The following ELOVL5 variants were observed in gnomAD, a reference collection of about 807,000 sequenced individuals.
The protein encoded by ELOVL5 is very long chain fatty acid elongase 5.
In ELOVL5, 8 loss-of-function variants were observed where a neutral mutation model predicts 38.6. The observed-to-expected ratio is 0.21, with a 90% CI of 0.12 to 0.37. ELOVL5 has a LOEUF of 0.37. ELOVL5 is among the 10% of genes least tolerant of loss of function. The probability of loss-of-function intolerance (pLI) is 1.00; values close to 1 mark genes in which losing one functional copy is unlikely to be tolerated. For synonymous variants in ELOVL5, 127 were observed against 133.7 expected (o/e 0.95, Z 0.34); for missense variants, 280 against 367.8 (o/e 0.76, Z 1.95).
intron 3 of ELOVL5, among the ~76,000 whole-genome samples, chr6:53,280,374 A>G (rs1432203341): frequency 6.6e-6 from 1 of 152,234 alleles, no homozygotes; most frequent in Non-Finnish European, 1.5e-5. Context: ...AGATACAAAC[A>G]GTACCACTGC....
chr6:53,286,809 C>T (rs1015088449), intron 3 of ELOVL5, among the ~76,000 whole-genome samples: 4 of 152,024 alleles, frequency 2.6e-5, no homozygotes, highest in African/African-American at 9.7e-5. Context: ...ATACCATTCA[C>T]GTATGGTTTT....
intron 1 of ELOVL5, among the ~76,000 whole-genome samples, chr6:53,339,067 C>T (rs1769208289): frequency 6.6e-6 from 1 of 152,134 alleles, no homozygotes; most frequent in African/African-American, 2.4e-5. Flanking sequence ...CATTTTATAA[C>T]TGTTGTTTGG....
intron 3 of ELOVL5, among the ~76,000 whole-genome samples, chr6:53,286,390 A>C (rs935624612): frequency 1.3e-5 from 2 of 152,012 alleles, no homozygotes; most frequent in African/African-American, 2.4e-5. Flanking sequence ...CCGTGAGACA[A>C]TGTTTCTACC....
At chr6:53,318,491 T>G (rs1768147267) in intron 1 of ELOVL5, among the ~76,000 whole-genome samples, 1 of 152,224 alleles carries the variant, frequency 6.6e-6, no homozygotes, top group Non-Finnish European at 1.5e-5. Context: ...TAAACATAAT[T>G]TTATTTCTTC....
At chr6:53,276,715 G>T (rs1449712267) in intron 3 of ELOVL5, among the ~76,000 whole-genome samples, 1 of 152,122 alleles carries the variant, frequency 6.6e-6, no homozygotes, top group Non-Finnish European at 1.5e-5. Flanking sequence ...TTCTGTTCCA[G>T]TAGGTCTGGG....
At chr6:53,274,048 T>C (rs769682462) in intron 5 of ELOVL5, among the ~76,000 whole-genome samples, 11 of 152,232 alleles carry the variant, frequency 7.2e-5, no homozygotes, top group African/African-American at 1.2e-4. Flanking sequence ...CTGGCTATGA[T>C]AGGAACTGGC....
chr6:53,296,887 C>G (rs1368379142), intron 1 of ELOVL5, among the ~76,000 whole-genome samples: 3 of 152,188 alleles, frequency 2.0e-5, no homozygotes, highest in Non-Finnish European at 4.4e-5. Context: ...CAATACTTCT[C>G]TTCCTTGGCT....
rs563173641 is a variant in ELOVL5, at chr6:53,274,593, T to C, written c.496+497A>G. ...AAACCAAGTACAACCTTAGAAAATT[T>C]ATATCAAGTTTTGGTGCTCGTTATA... On this transcript the variant is annotated intron_variant, in intron 5 of 7. Transcript: ENST00000304434. Among the ~76,000 whole-genome samples, 8 of 152,338 alleles carry C rather than the reference T, an allele frequency of 5.3e-5. No homozygotes were observed. In the South Asian group the frequency reaches 1.7e-3, roughly 32 times the overall value.
intron 1 of ELOVL5, among the ~76,000 whole-genome samples, chr6:53,300,250 C>T (rs755912955): frequency 4.6e-5 from 7 of 152,188 alleles, no homozygotes; most frequent in Non-Finnish European, 8.8e-5. Flanking sequence ...TCATCATTTA[C>T]TCAATACAAC....
intron 1 of ELOVL5, among the ~76,000 whole-genome samples, chr6:53,321,954 A>G (rs1310202779): frequency 6.6e-6 from 1 of 152,204 alleles, no homozygotes; most frequent in Non-Finnish European, 1.5e-5. Flanking sequence ...CTCTCAGGTT[A>G]TTAGTACACA....
At chr6:53,299,706 T>C (rs1411501987) in intron 1 of ELOVL5, among the ~76,000 whole-genome samples, 1 of 152,170 alleles carries the variant, frequency 6.6e-6, no homozygotes, top group African/African-American at 2.4e-5. Context: ...GTCTAAACCA[T>C]CTTGAAGAGG....
At chr6:53,288,997 G>A (rs746873025) in intron 3 of ELOVL5, among the ~76,000 whole-genome samples, 1 of 152,124 alleles carries the variant, frequency 6.6e-6, no homozygotes, top group Non-Finnish European at 1.5e-5. Context: ...CCCAGGAGGC[G>A]AGAAGCAGTG....
intron 1 of ELOVL5, among the ~76,000 whole-genome samples, chr6:53,345,475 T>C (rs1050953158): frequency 1.3e-4 from 10 of 79,330 alleles, no homozygotes; most frequent in African/African-American, 2.9e-4. Flanking sequence ...TGGTCCAAGG[T>C]GTAGATTAAG....
At chr6:53,289,816 C>T (rs1766708529) in intron 3 of ELOVL5, among the ~76,000 whole-genome samples, 1 of 152,204 alleles carries the variant, frequency 6.6e-6, no homozygotes, top group South Asian at 2.1e-4. Flanking sequence ...ACAATATGTA[C>T]AGGAGAAAAC....
At chr6:53,325,494 G>A (rs546174445) in intron 1 of ELOVL5, among the ~76,000 whole-genome samples, 13 of 152,332 alleles carry the variant, frequency 8.5e-5, no homozygotes, top group African/African-American at 3.1e-4. Flanking sequence ...TGGATGCAGT[G>A]AGCCTGAGAG....
chr6:53,321,915 C>A (rs1193240295), intron 1 of ELOVL5, among the ~76,000 whole-genome samples: 2 of 152,178 alleles, frequency 1.3e-5, no homozygotes, highest in Non-Finnish European at 2.9e-5. Flanking sequence ...TATTTGTTAA[C>A]AGGTCACCCA....
At chr6:53,284,811 A>T (rs959426475) in intron 3 of ELOVL5, among the ~76,000 whole-genome samples, 1 of 152,058 alleles carries the variant, frequency 6.6e-6, no homozygotes, top group Admixed American at 6.5e-5. Context: ...CACTATTATT[A>T]TATCTGTTGT....
chr6:53,299,109 G>C (rs1172722498), intron 1 of ELOVL5, among the ~76,000 whole-genome samples: 2 of 152,062 alleles, frequency 1.3e-5, no homozygotes, highest in Non-Finnish European at 2.9e-5. Context: ...TTCATAATGG[G>C]GAAAAGGATC....
intron 1 of ELOVL5, among the ~76,000 whole-genome samples, chr6:53,302,857 A>G (rs1259325284): frequency 6.6e-6 from 1 of 152,030 alleles, no homozygotes; most frequent in African/African-American, 2.4e-5. Context: ...AAAAACGTTT[A>G]GCTATTGTCT....
Sources: allele counts gnomAD v4.1 joint callset (sites outside exome capture counted in the v4.1 genomes callset), GRCh38; gene constraint gnomAD v4.1.1; transcripts MANE v1.5; gene names NCBI Gene and HGNC (gene_info 2026-07-23, HGNC 2026-07-21).